The following AGTPBP1 variants were observed in gnomAD, a reference collection of about 807,000 sequenced individuals.
The protein encoded by AGTPBP1 is cytosolic carboxypeptidase 1.
In AGTPBP1, 70 loss-of-function variants were observed where a neutral mutation model predicts 143.9. The ratio of observed to expected loss-of-function variants is 0.49; its 90% CI spans 0.40 to 0.59. The LOEUF (loss-of-function observed/expected upper bound fraction) is 0.59, where lower values mean the gene tolerates loss of function less well. Ranked by LOEUF, AGTPBP1 falls within the 20% of genes least tolerant of loss-of-function variation. The pLI, the probability that AGTPBP1 is intolerant of heterozygous loss-of-function variation, is 0.00. For synonymous variants in AGTPBP1, 463 were observed against 500.2 expected, an observed-to-expected ratio of 0.93 and a Z score of 0.99; for missense variants, 1,229 against 1,464.5, an observed-to-expected ratio of 0.84 and a Z score of 2.62.
At chr9:85,709,472 T>G (rs1374429951) in intron 2 of AGTPBP1, among the ~76,000 whole-genome samples, 5 of 152,206 alleles carry the variant, frequency 3.3e-5, no homozygotes, top group Admixed American at 3.3e-4. Context: ...CATCCTCCAA[T>G]GTCATTCAGC....
chr9:85,569,427 A>G (rs999867896), intron 25 of AGTPBP1, among the ~76,000 whole-genome samples: 1 of 152,210 alleles, frequency 6.6e-6, no homozygotes, highest in Non-Finnish European at 1.5e-5. Context: ...AAAATAATAA[A>G]TAGCAGTAAC....
At chr9:85,803,641 TG>T in the AGTPBP1 span, among the ~76,000 whole-genome samples, 2 of 152,206 alleles carry the variant, frequency 1.3e-5, no homozygotes, top group African/African-American at 4.8e-5. Context: ...ATTCTGACTT[TG>T]TTTTCTTCTT....
chr9:85,678,431 G>A, intron 4 of AGTPBP1, 33 bp from the exon 5 acceptor site: 1 of 1,414,920 alleles, frequency 7.1e-7, no homozygotes, highest in South Asian at 1.3e-5. Flanking sequence ...TTAAAACATT[G>A]TAAACTTTTG....
intron 14 of AGTPBP1, among the ~76,000 whole-genome samples, chr9:85,630,029 C>G (rs1370100529): frequency 6.6e-6 from 1 of 152,134 alleles, no homozygotes; most frequent in Non-Finnish European, 1.5e-5. Context: ...AATTTAATAA[C>G]AAAACTTGCT....
In AGTPBP1 at chr9:85,612,183, C is replaced by T. The variant is rs79097383; in HGVS notation, c.2335+6800G>A. Among the ~76,000 whole-genome samples the T allele has an allele frequency of 6.9e-3, 1,049 of 152,252 alleles. 17 individuals are homozygous for T. Among genetic ancestry groups the T allele is most frequent in the East Asian group, 0.032 (167 of 5,184 alleles). ...AACTTCCTGGTGATAGAAACAACTT[C>T]TATTCTAATGAGGCAGCTCTTGGTG... On this transcript the variant is annotated intron_variant, in intron 17 of 25. Transcript: ENST00000357081.
intron 8 of AGTPBP1, among the ~76,000 whole-genome samples, chr9:85,667,746 C>A (rs150947227): frequency 5.9e-5 from 9 of 151,870 alleles, no homozygotes; most frequent in Admixed American, 1.3e-4. Context: ...TAAGCCAGAA[C>A]GTGTGACATT....
intron 1 of AGTPBP1, among the ~76,000 whole-genome samples, chr9:85,736,135 A>T (rs1823752038): frequency 6.6e-6 from 1 of 152,224 alleles, no homozygotes; most frequent in Non-Finnish European, 1.5e-5. Context: ...AAATTTGAAC[A>T]TTTATATAGA....
the AGTPBP1 span, among the ~76,000 whole-genome samples, chr9:85,787,350 A>G: frequency 1.3e-5 from 2 of 152,134 alleles, no homozygotes; most frequent in Admixed American, 6.6e-5. Context: ...GCATTCTAAC[A>G]TTTCAAGAGA....
At chr9:85,734,190 T>A (rs1243577735) in intron 1 of AGTPBP1, among the ~76,000 whole-genome samples, 1 of 151,988 alleles carries the variant, frequency 6.6e-6, no homozygotes, top group African/African-American at 2.4e-5. Flanking sequence ...GAGGCAGAGG[T>A]TGCAGTGAGC....
At chr9:85,698,849 C>A (rs369751189) in intron 2 of AGTPBP1, among the ~76,000 whole-genome samples, 2 of 151,716 alleles carry the variant, frequency 1.3e-5, no homozygotes, top group Non-Finnish European at 2.9e-5. Context: ...CCTGCAACCA[C>A]GCCCAGCTCA....
At chr9:85,700,646 G>C (rs142976965) in intron 2 of AGTPBP1, among the ~76,000 whole-genome samples, 1 of 152,120 alleles carries the variant, frequency 6.6e-6, no homozygotes, top group Non-Finnish European at 1.5e-5. Flanking sequence ...GAGCCACTTC[G>C]CAAGTTTTGC....
chr9:85,559,619 TG>T (rs1826573899), intron 25 of AGTPBP1, among the ~76,000 whole-genome samples: 1 of 122,782 alleles, frequency 8.1e-6, no homozygotes, highest in African/African-American at 3.7e-5. Flanking sequence ...AACTAGGGAC[TG>T]ATAAGACCCT....
At chr9:85,724,004 T>G (rs550859661) in intron 1 of AGTPBP1, among the ~76,000 whole-genome samples, 1 of 152,202 alleles carries the variant, frequency 6.6e-6, no homozygotes, top group East Asian at 1.9e-4. Context: ...AATAAACATC[T>G]GGCCGGGTAC....
chr9:85,763,468 G>T, the AGTPBP1 span, among the ~76,000 whole-genome samples: 1 of 151,868 alleles, frequency 6.6e-6, no homozygotes, highest in Non-Finnish European at 1.5e-5. Flanking sequence ...TTATAGTTCT[G>T]TTGGAGAAGA....
At chr9:85,691,074 A>G (rs1835841458) in intron 3 of AGTPBP1, among the ~76,000 whole-genome samples, 2 of 152,176 alleles carry the variant, frequency 1.3e-5, no homozygotes, top group Admixed American at 1.3e-4. Flanking sequence ...GAGGTATTTC[A>G]TATGACAATG....
At chr9:85,763,648 T>G in the AGTPBP1 span, among the ~76,000 whole-genome samples, 10 of 151,782 alleles carry the variant, frequency 6.6e-5, no homozygotes, top group Admixed American at 1.3e-4. Context: ...GGAAGTAGAG[T>G]AGGTATAAGA....
At chr9:85,797,724 A>C in the AGTPBP1 span, among the ~76,000 whole-genome samples, 4 of 152,136 alleles carry the variant, frequency 2.6e-5, no homozygotes, top group South Asian at 4.1e-4. Context: ...TGAGCTAAAA[A>C]AAAAATCACA....
At chr9:85,613,343 TA>T (rs1335256737) in intron 17 of AGTPBP1, among the ~76,000 whole-genome samples, 1 of 151,820 alleles carries the variant, frequency 6.6e-6, no homozygotes, top group Admixed American at 6.6e-5. Context: ...TTAATAAGTA[TA>T]AAAAATTCCA....
At chr9:85,789,043 A>G in the AGTPBP1 span, among the ~76,000 whole-genome samples, 4 of 152,050 alleles carry the variant, frequency 2.6e-5, no homozygotes, top group Non-Finnish European at 5.9e-5. Flanking sequence ...CCTCAAAGCC[A>G]ACTCACTAAT....
Sources: gnomAD v4.1 joint callset for allele counts (sites outside exome capture counted in the v4.1 genomes callset) on GRCh38, gnomAD v4.1.1 for gene constraint, MANE v1.5 for transcripts, NCBI Gene and HGNC (gene_info 2026-07-23, HGNC 2026-07-21) for gene names.